Variants in SLC30A8 observed in about 807,000 individuals in gnomAD.
The protein encoded by SLC30A8 is proton-coupled zinc antiporter SLC30A8.
A neutral mutation model predicts 36.9 loss-of-function variants in SLC30A8; 27 were observed. The ratio of observed to expected loss-of-function variants is 0.73; its 90% CI spans 0.54 to 1.01. SLC30A8 has a LOEUF of 1.01. Among genes scored for constraint, SLC30A8 ranks in the 50% least tolerant of loss-of-function variants. The pLI, the probability that SLC30A8 is intolerant of heterozygous loss-of-function variation, is 0.00. For missense variants in SLC30A8, 439 were observed against 452.0 expected, an observed-to-expected ratio of 0.97 and a Z score of 0.26; for synonymous variants, 164 against 172.4, an observed-to-expected ratio of 0.95 and a Z score of 0.38.
intron 1 of SLC30A8, among the ~76,000 whole-genome samples, chr8:116,951,633 A>G (rs1388286686): frequency 6.6e-6 from 1 of 151,850 alleles, no homozygotes; most frequent in Admixed American, 6.6e-5. Flanking sequence ...TGAGAGCCCA[A>G]ATCCCATCTT....
intron 1 of SLC30A8, among the ~76,000 whole-genome samples, chr8:116,953,340 C>A (rs1320351900): frequency 1.3e-5 from 2 of 152,018 alleles, no homozygotes; most frequent in African/African-American, 2.4e-5. Context: ...GCTTTCTCTT[C>A]CTAATCCCTT....
chr8:117,050,432 G>C (rs1046903637), intron 2 of SLC30A8, among the ~76,000 whole-genome samples: 2 of 148,924 alleles, frequency 1.3e-5, no homozygotes, highest in African/African-American at 5.0e-5. Flanking sequence ...TTGAGACACA[G>C]TTTCACTCTG....
At chr8:116,981,899 A>G (rs1016838584) in intron 1 of SLC30A8, among the ~76,000 whole-genome samples, 1 of 152,104 alleles carries the variant, frequency 6.6e-6, no homozygotes, top group African/African-American at 2.4e-5. Flanking sequence ...TGTCTTTATG[A>G]TAGAATCATT....
At position 117,172,672 on chromosome 8, in the gene SLC30A8, C is replaced by T. The variant is rs1287611379; in HGVS notation, c.1101C>T (p.Pro367=). Residue 367 remains proline, a synonymous_variant, in exon 8 of 8, where the codon CCC becomes CCT. Coordinates refer to ENST00000456015, the MANE Select transcript of SLC30A8 (RefSeq NM_173851.3). Reference sequence around the variant, plus strand: ...CCGACTGCCTTTTCTGTGAAGACCCCTGTGACTAGCTCAGTCACACCGTCA... The same window carrying T: ...CCGACTGCCTTTTCTGTGAAGACCCTTGTGACTAGCTCAGTCACACCGTCA... ...QDPDCLFCED[P]CD is the part of the protein sequence containing the mutation. 4.3e-6 allele frequency: 7 copies of T among 1,613,660 alleles called. No individual in the cohort carries two copies. Among genetic ancestry groups the T allele is most frequent in the Non-Finnish European group, 5.9e-6 (7 of 1,179,656 alleles).
At chr8:117,021,942 T>C (rs1816707768) in intron 1 of SLC30A8, among the ~76,000 whole-genome samples, 1 of 150,884 alleles carries the variant, frequency 6.6e-6, no homozygotes, top group Non-Finnish European at 1.5e-5. Context: ...ATCAGGTCAA[T>C]TGGATAGTCA....
intron 1 of SLC30A8, among the ~76,000 whole-genome samples, chr8:117,029,816 A>G (rs1332278576): frequency 1.3e-5 from 2 of 152,210 alleles, no homozygotes; most frequent in Non-Finnish European, 2.9e-5. Flanking sequence ...ATCAAGTCCA[A>G]TGTCGGAATA....
At chr8:117,083,269 C>T (rs575527862) in intron 2 of SLC30A8, among the ~76,000 whole-genome samples, 1 of 152,278 alleles carries the variant, frequency 6.6e-6, no homozygotes, top group East Asian at 1.9e-4. Flanking sequence ...ATCTGCTCTT[C>T]AGGACTGAGA....
chr8:116,976,435 A>C (rs1351527958), intron 1 of SLC30A8, among the ~76,000 whole-genome samples: 2 of 152,126 alleles, frequency 1.3e-5, no homozygotes. Context: ...TGTCTACTAA[A>C]TTTTGCAAGT....
intron 1 of SLC30A8, among the ~76,000 whole-genome samples, chr8:117,013,795 T>TC (rs1816423381): frequency 6.6e-6 from 1 of 152,184 alleles, no homozygotes; most frequent in Non-Finnish European, 1.5e-5. Flanking sequence ...CTATTTAACT[T>TC]CATTTTTTTC....
At chr8:117,162,692 T>C (rs559395279) in intron 5 of SLC30A8, among the ~76,000 whole-genome samples, 8 of 152,298 alleles carry the variant, frequency 5.3e-5, no homozygotes, top group Admixed American at 3.3e-4. Flanking sequence ...CTAAATTCAG[T>C]TGAGCAAAAT....
chr8:117,058,751 C>T (rs1355318201), intron 2 of SLC30A8, among the ~76,000 whole-genome samples: 1 of 152,120 alleles, frequency 6.6e-6, no homozygotes, highest in Non-Finnish European at 1.5e-5. Flanking sequence ...CTGTGGCACA[C>T]AAAAGTTATA....
chr8:117,038,618 A>G (rs531843115), intron 1 of SLC30A8, among the ~76,000 whole-genome samples: 25 of 152,340 alleles, frequency 1.6e-4, no homozygotes, highest in African/African-American at 5.8e-4. Context: ...GCATGTGGAC[A>G]TAGCTGTAGA....
intron 1 of SLC30A8, among the ~76,000 whole-genome samples, chr8:116,971,998 A>G (rs757571593): frequency 2.6e-5 from 4 of 152,234 alleles, no homozygotes; most frequent in Non-Finnish European, 5.9e-5. Context: ...AACTAGAACA[A>G]TGATAATTTT....
At chr8:117,146,928 C>T (rs1368306651) in intron 1 of SLC30A8, 26 bp from the exon 2 acceptor site, 1 of 1,612,950 alleles carries the variant, frequency 6.2e-7, no homozygotes, top group Non-Finnish European at 8.5e-7. Context: ...ATGTTCACTT[C>T]TTGCTTCTGT....
intron 1 of SLC30A8, among the ~76,000 whole-genome samples, chr8:117,022,607 A>G (rs1816736608): frequency 6.6e-6 from 1 of 152,236 alleles, no homozygotes; most frequent in Non-Finnish European, 1.5e-5. Flanking sequence ...GACAAACCTG[A>G]CAAAAACAAG....
chr8:116,970,663 G>A (rs1278627189), intron 1 of SLC30A8, among the ~76,000 whole-genome samples: 3 of 152,132 alleles, frequency 2.0e-5, no homozygotes, highest in Non-Finnish European at 2.9e-5. Flanking sequence ...CATCATATAT[G>A]CTGTCTGTTG....
At chr8:116,962,915 TACAAGGCAGAG>T (rs1466735578) in intron 1 of SLC30A8, among the ~76,000 whole-genome samples, 1 of 151,942 alleles carries the variant, frequency 6.6e-6, no homozygotes, top group Non-Finnish European at 1.5e-5. Flanking sequence ...CAAAGCAGGG[TACAAGGCAGAG>T]TACAAGGAAA....
At chr8:117,000,981 C>G (rs1365563524) in intron 1 of SLC30A8, among the ~76,000 whole-genome samples, 1 of 152,108 alleles carries the variant, frequency 6.6e-6, no homozygotes, top group East Asian at 1.9e-4. Flanking sequence ...TGGTTGCCTT[C>G]CCAGAATCCA....
chr8:117,172,000 G>T (rs1004548660), intron 7 of SLC30A8, among the ~76,000 whole-genome samples: 4 of 152,206 alleles, frequency 2.6e-5, no homozygotes, highest in Non-Finnish European at 5.9e-5. Flanking sequence ...GCAAATGGAA[G>T]AATCTAGTAA....
Sources: allele counts gnomAD v4.1 joint callset (sites outside exome capture counted in the v4.1 genomes callset), GRCh38; gene constraint gnomAD v4.1.1; transcripts MANE v1.5; gene names NCBI Gene and HGNC (gene_info 2026-07-23, HGNC 2026-07-21).